ERBB4: variants seen among roughly 807,000 people sequenced by gnomAD.
ERBB4 encodes receptor tyrosine-protein kinase erbB-4.
Under a neutral mutation model 158.0 loss-of-function variants are expected in ERBB4, and 42 were observed. The observed-to-expected ratio is 0.27, with a 90% confidence interval of 0.21 to 0.34. The LOEUF (loss-of-function observed/expected upper bound fraction) is 0.34, where lower values mean the gene tolerates loss of function less well. Among genes scored for constraint, ERBB4 ranks in the 10% least tolerant of loss-of-function variants. ERBB4 has a pLI of 1.00. For synonymous variants in ERBB4, 583 were observed against 558.7 expected (o/e 1.04, Z -0.61); for missense variants, 1,333 against 1,624.1 (o/e 0.82, Z 3.08).
Position 212,233,038 on chromosome 2 carries a change from A to G in ERBB4, c.83-108135T>C, listed in dbSNP as rs576669558. Among the ~76,000 whole-genome samples the G allele has an allele frequency of 2.0e-5, 3 of 152,314 alleles. No homozygotes were observed. The South Asian group carries it at 6.2e-4, about 32-fold the overall frequency. ...GCATTGAAAAGTCCACAAATATTAT[A>G]AGAGATCAGAAGAAGATACAAGTTG... On this transcript the variant is annotated intron_variant, in intron 1 of 27. Transcript: ENST00000342788.
intron 3 of ERBB4, among the ~76,000 whole-genome samples, chr2:211,832,767 T>TA (rs1199323387): frequency 2.0e-5 from 3 of 150,978 alleles, no homozygotes; most frequent in Admixed American, 6.6e-5. Flanking sequence ...GGTCAGAGGA[T>TA]AGCTGAAGAA....
At chr2:211,967,336 T>C (rs1235890584) in intron 2 of ERBB4, among the ~76,000 whole-genome samples, 1 of 152,128 alleles carries the variant, frequency 6.6e-6, no homozygotes, top group Non-Finnish European at 1.5e-5. Flanking sequence ...TTTAAGAGGC[T>C]TTACTTAAGA....
At chr2:211,696,810 C>A (rs2073040442) in intron 12 of ERBB4, among the ~76,000 whole-genome samples, 1 of 152,132 alleles carries the variant, frequency 6.6e-6, no homozygotes, top group Non-Finnish European at 1.5e-5. Context: ...GCTGGGACTA[C>A]AGGCACCTGC....
intron 1 of ERBB4, among the ~76,000 whole-genome samples, chr2:212,229,957 G>A (rs913432671): frequency 3.3e-5 from 5 of 152,016 alleles, no homozygotes; most frequent in African/African-American, 7.2e-5. Context: ...AGCAAAATGC[G>A]ATAGAAATGC....
chr2:212,311,669 T>C (rs536816349), intron 1 of ERBB4, among the ~76,000 whole-genome samples: 58 of 151,134 alleles, frequency 3.8e-4, no homozygotes, highest in African/African-American at 1.3e-3. Context: ...GTCCTAAATT[T>C]TTTAAAAACC....
intron 1 of ERBB4, among the ~76,000 whole-genome samples, chr2:212,387,995 G>A (rs1414668938): frequency 2.0e-5 from 3 of 151,982 alleles, no homozygotes; most frequent in African/African-American, 7.2e-5. Context: ...AGTAATATCA[G>A]TATTAGAATT....
intron 1 of ERBB4, among the ~76,000 whole-genome samples, chr2:212,384,948 A>AAC (rs1473399961): frequency 1.4e-5 from 2 of 142,848 alleles, no homozygotes; most frequent in African/African-American, 5.2e-5. Context: ...CACACACACA[A>AAC]ACACACACAC....
At chr2:212,376,997 T>C (rs923894626) in intron 1 of ERBB4, among the ~76,000 whole-genome samples, 2 of 151,904 alleles carry the variant, frequency 1.3e-5, no homozygotes, top group African/African-American at 4.8e-5. Flanking sequence ...GACACAGAAT[T>C]GTTGGGAGAG....
chr2:211,868,216 CTGAAAGT>C (rs2078257497), intron 3 of ERBB4, among the ~76,000 whole-genome samples: 1 of 152,034 alleles, frequency 6.6e-6, no homozygotes. Context: ...TGGAATGCAA[CTGAAAGT>C]TGATCTGGAC....
At chr2:211,822,207 A>G (rs970265788) in intron 3 of ERBB4, among the ~76,000 whole-genome samples, 23 of 151,976 alleles carry the variant, frequency 1.5e-4, no homozygotes, top group African/African-American at 5.6e-4. Flanking sequence ...ACAGCTAGAT[A>G]GCAGGGATAA....
intron 1 of ERBB4, among the ~76,000 whole-genome samples, chr2:212,305,805 C>T (rs1456418042): frequency 6.6e-6 from 1 of 151,270 alleles, no homozygotes; most frequent in East Asian, 1.9e-4. Context: ...CTAATCATGT[C>T]CCTGTACATT....
At chr2:211,838,255 G>A (rs542040374) in intron 3 of ERBB4, among the ~76,000 whole-genome samples, 3 of 152,018 alleles carry the variant, frequency 2.0e-5, no homozygotes, top group East Asian at 3.9e-4. Flanking sequence ...CGGGGTGGGG[G>A]ATGGTGGTGG....
intron 3 of ERBB4, among the ~76,000 whole-genome samples, chr2:211,804,493 T>C (rs1337212957): frequency 2.6e-5 from 4 of 152,160 alleles, no homozygotes; most frequent in Non-Finnish European, 4.4e-5. Flanking sequence ...CTGAATCCAA[T>C]AGGCCAATAC....
At chr2:212,185,030 T>TTTC (rs1553584079) in intron 1 of ERBB4, among the ~76,000 whole-genome samples, 2 of 106,526 alleles carry the variant, frequency 1.9e-5, no homozygotes. Flanking sequence ...TCTTTTTTTT[T>TTTC]TTTCTTTTGA....
intron 15 of ERBB4, among the ~76,000 whole-genome samples, 179 bp downstream of exon 15, chr2:211,665,144 G>A (rs1002707622): frequency 9.9e-5 from 15 of 152,134 alleles, no homozygotes; most frequent in African/African-American, 3.6e-4. Context: ...AATATTTAAG[G>A]GTGTACAAAG....
intron 3 of ERBB4, among the ~76,000 whole-genome samples, chr2:211,798,723 C>A (rs954020865): frequency 6.6e-6 from 1 of 151,858 alleles, no homozygotes; most frequent in African/African-American, 2.4e-5. Context: ...CATGAAATCC[C>A]CATTAAGTTT....
At chr2:212,477,129 T>C (rs1363090281) in intron 1 of ERBB4, among the ~76,000 whole-genome samples, 3 of 152,142 alleles carry the variant, frequency 2.0e-5, no homozygotes, top group African/African-American at 7.2e-5. Flanking sequence ...CCAATAAATC[T>C]GAACAATAAT....
intron 1 of ERBB4, among the ~76,000 whole-genome samples, chr2:212,464,777 A>G (rs1213874902): frequency 1.3e-5 from 2 of 152,142 alleles, no homozygotes; most frequent in Non-Finnish European, 2.9e-5. Flanking sequence ...AATGGTGGTC[A>G]ATTAATAATG....
intron 3 of ERBB4, among the ~76,000 whole-genome samples, chr2:211,890,732 C>CA (rs1425056136): frequency 7.5e-6 from 1 of 132,470 alleles, no homozygotes; most frequent in Admixed American, 7.4e-5. Flanking sequence ...AAATGGGAAA[C>CA]AAAAAAAGGC....
Sources: allele counts gnomAD v4.1 joint callset (sites outside exome capture counted in the v4.1 genomes callset), GRCh38; gene constraint gnomAD v4.1.1; transcripts MANE v1.5; gene names NCBI Gene and HGNC (gene_info 2026-07-23, HGNC 2026-07-21).